Variants in WDFY4 observed in about 807,000 individuals in gnomAD.
WDFY4 encodes WD repeat- and FYVE domain-containing protein 4.
WDFY4 carries 169 observed loss-of-function variants against 351.9 expected under a neutral mutation model. That is an observed-to-expected ratio of 0.48 (90% CI 0.42 to 0.55). WDFY4 has a LOEUF of 0.55. Ranked by LOEUF, WDFY4 falls within the 20% of genes least tolerant of loss-of-function variation. The probability of loss-of-function intolerance (pLI) is 0.00; values close to 1 mark genes in which losing one functional copy is unlikely to be tolerated. For synonymous variants in WDFY4, 1,622 were observed against 1,574.6 expected, an observed-to-expected ratio of 1.03 and a Z score of -0.71; for missense variants, 3,803 against 3,935.6, an observed-to-expected ratio of 0.97 and a Z score of 0.90.
chr10:48,833,980 G>C (rs1305191869), intron 39 of WDFY4, among the ~76,000 whole-genome samples: 3 of 152,196 alleles, frequency 2.0e-5, no homozygotes, highest in African/African-American at 7.2e-5. Context: ...CTTTTCCCAG[G>C]CTTTGGGAAT....
At chr10:48,899,089 A>G (rs570629900) in intron 45 of WDFY4, among the ~76,000 whole-genome samples, 2 of 151,030 alleles carry the variant, frequency 1.3e-5, no homozygotes, top group East Asian at 3.9e-4. Flanking sequence ...CCCCAAGTAC[A>G]TGGTGATTGT....
intron 47 of WDFY4, chr10:48,913,307 C>A (rs1030986759): frequency 7.7e-7 from 1 of 1,294,182 alleles, no homozygotes; most frequent in Non-Finnish European, 1.1e-6. Context: ...CACAGGGGAG[C>A]CCTTGGTTTC....
intron 27 of WDFY4, among the ~76,000 whole-genome samples, chr10:48,806,730 A>G (rs2067268758): frequency 6.6e-6 from 1 of 152,370 alleles, no homozygotes; most frequent in Non-Finnish European, 1.5e-5. Flanking sequence ...AGCAATCACA[A>G]CTGCTTTGTC....
intron 12 of WDFY4, among the ~76,000 whole-genome samples, chr10:48,759,482 A>T (rs538913522): frequency 6.6e-6 from 1 of 152,328 alleles, no homozygotes; most frequent in Admixed American, 6.5e-5. Flanking sequence ...CACTCTTGGG[A>T]CTACAGGTCC....
At chr10:48,975,348 A>G (rs1590031283) in intron 58 of WDFY4, among the ~76,000 whole-genome samples, 1 of 152,158 alleles carries the variant, frequency 6.6e-6, no homozygotes, top group South Asian at 2.1e-4. Flanking sequence ...TGGCTGACTC[A>G]TTTAGGTCTT....
At chr10:48,804,709 A>T in intron 25 of WDFY4, 2 of 984,822 alleles carry the variant, frequency 2.0e-6, no homozygotes, top group Non-Finnish European at 2.4e-6. Flanking sequence ...ACAGATATTT[A>T]TCCTGGGAGC....
intron 5 of WDFY4, among the ~76,000 whole-genome samples, chr10:48,725,340 A>G (rs2132302357): frequency 6.6e-6 from 1 of 152,228 alleles, no homozygotes; most frequent in South Asian, 2.1e-4. Flanking sequence ...GCAGGATGCT[A>G]TGGGCCATGC....
In WDFY4 at chr10:48,914,705, A is replaced by G. The variant is rs148488624; in HGVS notation, c.7586+12842A>G. 3.7e-3 allele frequency among the ~76,000 whole-genome samples: 566 copies of G among 152,328 alleles called. 3 individuals are homozygous for G. Among genetic ancestry groups the G allele is most frequent in the Non-Finnish European group, 4.3e-3 (294 of 68,018 alleles). ...GAGAATAAGGTGGGTACTAAGACCA[A>G]CTTCTCACATCCCTCTTCCCCTCAT... is the stretch of plus-strand genomic sequence containing the variant. On this transcript the variant is annotated intron_variant, in intron 47 of 61. Coordinates refer to ENST00000325239, the MANE Select transcript of WDFY4 (RefSeq NM_001394531.1).
rs1455841411 is a variant in WDFY4 at position 48,959,750 on chromosome 10, A to G, written c.8160A>G (p.Gly2720=). ...GCATGCAGGACGGGACTGTGCTAGG[A>G]GACGTGCAGCTCCCTCCCTGGGCTG... The part of the protein sequence containing the change: ...FGCMQDGTVL[G]DVQLPPWADG... The change falls in exon 53 of 62, where the codon GGA becomes GGG. Residue 2720 remains glycine, a synonymous_variant. Transcript: ENST00000325239. The G allele has an allele frequency of 6.4e-7, 1 of 1,551,498 alleles. No individual in the cohort carries two copies. Among genetic ancestry groups the G allele is most frequent in the African/African-American group, 1.4e-5 (1 of 73,034 alleles).
At chr10:48,756,862 C>T (rs2065352775) in intron 12 of WDFY4, among the ~76,000 whole-genome samples, 1 of 152,026 alleles carries the variant, frequency 6.6e-6, no homozygotes, top group African/African-American at 2.4e-5. Context: ...AGGATTTTTG[C>T]ACCTATGTTC....
rs377713029 is a variant in WDFY4 at position 48,913,929 on chromosome 10, C to T, written c.7586+12066C>T. 3.3e-5 allele frequency: 53 copies of T among 1,614,072 alleles called. No homozygotes were observed. The South Asian group carries it at 3.3e-4, about 10-fold the overall frequency. The stretch of plus-strand genomic sequence containing the variant: ...GTAGTTGCTGTGCAGGTCCAGCCAC[C>T]GGAGGTTCTGGAACTTGGAGATGGA... On this transcript the variant is annotated intron_variant, in intron 47 of 61. Coordinates refer to ENST00000325239, the MANE Select transcript of WDFY4 (RefSeq NM_001394531.1).
Position 48,803,334 on chromosome 10 carries a change from CT to C in WDFY4, c.4463del (p.Leu1488TrpfsTer51). 6.4e-7 allele frequency: 1 copy of C among 1,551,940 alleles called. No homozygotes were observed. Among genetic ancestry groups the C allele is most frequent in the South Asian group, 1.2e-5 (1 of 84,064 alleles). ...TCTGGAGCTCAGCCTCTTTTCCCAT[CT>C]TTTGGAAATCCTTCAATCACCAAGG... ...DNLELSLFSH[L>X]LEILQSPREG... is the part of the protein sequence containing the mutation. On this transcript the variant is annotated frameshift_variant, in exon 25 of 62. Coordinates refer to ENST00000325239, the MANE Select transcript of WDFY4 (RefSeq NM_001394531.1). LOFTEE classifies it high-confidence loss of function.
intron 39 of WDFY4, among the ~76,000 whole-genome samples, chr10:48,842,474 G>A (rs760219067): frequency 4.6e-5 from 7 of 152,080 alleles, no homozygotes; most frequent in South Asian, 2.1e-4. Flanking sequence ...TGCGGTCCGC[G>A]GCTGCCCAGA....
intron 40 of WDFY4, among the ~76,000 whole-genome samples, chr10:48,872,282 C>G (rs1260060912): frequency 6.6e-6 from 1 of 152,198 alleles, no homozygotes; most frequent in Non-Finnish European, 1.5e-5. Flanking sequence ...AAAATAATAG[C>G]CCCTCAGCAA....
chr10:48,700,621 A>G (rs1485191463), intron 1 of WDFY4, among the ~76,000 whole-genome samples: 1 of 152,216 alleles, frequency 6.6e-6, no homozygotes, highest in Non-Finnish European at 1.5e-5. Context: ...CAGCTGCGTG[A>G]GCACGCCCAG....
chr10:48,771,002 G>A (rs1428641797), intron 13 of WDFY4, among the ~76,000 whole-genome samples: 1 of 152,152 alleles, frequency 6.6e-6, no homozygotes, highest in African/African-American at 2.4e-5. Context: ...TTCCCCCAGT[G>A]CTCACCTTTT....
rs1289368840 is a variant in WDFY4 at position 48,743,023 on chromosome 10, G to A, written c.1934G>A (p.Ser645Asn). Residue 645 changes from serine to asparagine, a missense_variant, in exon 12 of 62, where the codon AGC (serine) becomes AAC (asparagine). Ser to Asn is a conservative substitution (Grantham distance 46). Coordinates refer to ENST00000325239, the MANE Select transcript of WDFY4 (RefSeq NM_001394531.1). ...GGTCGTGCTGCCTTCAGAGTCTCCA[G>A]CGGGTTCAACGGGCTGCTGTCTCTG... ...PKGRAAFRVS[S>N]GFNGLLSLLS... 2 of 1,551,484 alleles carry A rather than the reference G, an allele frequency of 1.3e-6. No homozygotes were observed. The highest frequency in any genetic ancestry group is 1.7e-6 in the Non-Finnish European group (2 of 1,146,996).
chr10:48,954,626 T>C (rs372297515), intron 51 of WDFY4, among the ~76,000 whole-genome samples: 54 of 152,358 alleles, frequency 3.5e-4, no homozygotes, highest in African/African-American at 1.3e-3. Flanking sequence ...GAATTCAATC[T>C]TAGCTGGGAC....
chr10:48,766,825 G>T (rs1410805982), intron 13 of WDFY4, among the ~76,000 whole-genome samples: 1 of 152,108 alleles, frequency 6.6e-6, no homozygotes, highest in South Asian at 2.1e-4. Flanking sequence ...ATTTGGCCTG[G>T]ATCACAGAGA....
Sources: allele counts gnomAD v4.1 joint callset (sites outside exome capture counted in the v4.1 genomes callset), GRCh38; gene constraint gnomAD v4.1.1; transcripts MANE v1.5; gene names NCBI Gene and HGNC (gene_info 2026-07-23, HGNC 2026-07-21).